NPSR1: variants seen among roughly 807,000 people sequenced by gnomAD.
NPSR1 encodes the protein neuropeptide S receptor.
NPSR1 carries 48 observed loss-of-function variants against 46.9 expected under a neutral mutation model. The observed-to-expected ratio is 1.02, with a 90% CI of 0.81 to 1.30. The LOEUF is 1.30. Ranked by LOEUF, NPSR1 falls within the 50% of genes most tolerant of loss-of-function variation. The pLI is 0.00. For synonymous variants in NPSR1, 176 were observed against 168.1 expected (o/e 1.05, Z -0.36); for missense variants, 450 against 449.5 (o/e 1.00, Z -0.01).
intron 4 of NPSR1, among the ~76,000 whole-genome samples, chr7:34,815,480 C>G (rs1404459223): frequency 1.3e-5 from 2 of 152,104 alleles, no homozygotes; most frequent in Non-Finnish European, 2.9e-5. Flanking sequence ...CGAACAGAAC[C>G]AAGTTGGAAC....
At chr7:34,792,668 TATATATG>T (rs1562733114) in intron 3 of NPSR1, among the ~76,000 whole-genome samples, 11 of 119,904 alleles carry the variant, frequency 9.2e-5, no homozygotes, top group African/African-American at 3.4e-4. Context: ...TATATATTTA[TATATATG>T]TATATATATA....
chr7:34,839,404 G>C (rs1322604881), intron 6 of NPSR1, among the ~76,000 whole-genome samples: 1 of 152,200 alleles, frequency 6.6e-6, no homozygotes, highest in Non-Finnish European at 1.5e-5. Flanking sequence ...GAACAAGGTA[G>C]AGAAAGTTCG....
At chr7:34,859,139 A>T (rs1458037319) in intron 8 of NPSR1, among the ~76,000 whole-genome samples, 1 of 151,664 alleles carries the variant, frequency 6.6e-6, no homozygotes, top group Non-Finnish European at 1.5e-5. Flanking sequence ...CAGCTGAAAG[A>T]TCCTTCTCTG....
chr7:34,867,973 G>A lies in NPSR1; in HGVS notation c.1026-10103G>A, dbSNP rs981235609. On this transcript the variant is annotated intron_variant, in intron 8 of 8. Transcript: ENST00000359791. The stretch of plus-strand genomic sequence containing the variant: ...TTTAAAATTTATAACATGGAAAGCT[G>A]TACTATATTGAAGTATCTGAGTCTC... 2.6e-5 allele frequency among the ~76,000 whole-genome samples: 4 copies of A among 151,828 alleles called. 1 individual carries two copies. Among genetic ancestry groups the A allele is most frequent in the African/African-American group, 9.7e-5 (4 of 41,106 alleles).
chr7:34,702,782 A>C (rs1477238923), intron 2 of NPSR1, among the ~76,000 whole-genome samples: 1 of 152,226 alleles, frequency 6.6e-6, no homozygotes, highest in Non-Finnish European at 1.5e-5. Context: ...AAAAGTTTAT[A>C]GAAGTGGACT....
chr7:34,691,729 A>G (rs1793272327), intron 2 of NPSR1, among the ~76,000 whole-genome samples: 1 of 152,100 alleles, frequency 6.6e-6, no homozygotes, highest in South Asian at 2.1e-4. Context: ...ACGACTACAT[A>G]TAAGAACAAA....
intron 3 of NPSR1, among the ~76,000 whole-genome samples, chr7:34,801,964 A>G (rs1788438866): frequency 6.7e-6 from 1 of 149,884 alleles, no homozygotes. Context: ...ACCCATTCAC[A>G]ATTGCTTCAA....
intron 2 of NPSR1, among the ~76,000 whole-genome samples, chr7:34,723,819 C>G (rs1354127555): frequency 1.3e-5 from 2 of 152,040 alleles, no homozygotes; most frequent in African/African-American, 4.8e-5. Flanking sequence ...CACTTTTTAT[C>G]AGCTATAATT....
At chr7:34,867,184 A>C (rs905859407) in intron 8 of NPSR1, among the ~76,000 whole-genome samples, 2 of 151,832 alleles carry the variant, frequency 1.3e-5, no homozygotes, top group African/African-American at 4.9e-5. Flanking sequence ...GATTGTCCTG[A>C]CAGAGTTTAA....
At chr7:34,688,784 C>T (rs1363854420) in intron 2 of NPSR1, among the ~76,000 whole-genome samples, 1 of 152,190 alleles carries the variant, frequency 6.6e-6, no homozygotes, top group Non-Finnish European at 1.5e-5. Flanking sequence ...CTCTCTCCAC[C>T]TTGCTGGGGC....
intron 2 of NPSR1, among the ~76,000 whole-genome samples, chr7:34,748,676 G>A (rs2128722626): frequency 6.6e-6 from 1 of 152,272 alleles, no homozygotes; most frequent in South Asian, 2.1e-4. Flanking sequence ...GAGTTCACCA[G>A]TTTGATTTGT....
At chr7:34,827,819 A>G (rs1389605852) in intron 5 of NPSR1, among the ~76,000 whole-genome samples, 5 of 152,234 alleles carry the variant, frequency 3.3e-5, no homozygotes, top group African/African-American at 4.8e-5. Context: ...CTGGGTATAT[A>G]GGGCAGGCAT....
At chr7:34,659,979 T>A (rs1291301741) in intron 1 of NPSR1, 1 of 406,736 alleles carries the variant, frequency 2.5e-6, no homozygotes, top group Non-Finnish European at 4.9e-6. Context: ...AATAAGGTGG[T>A]TATTCTGAGA....
chr7:34,694,343 C>T (rs552400375), intron 2 of NPSR1, among the ~76,000 whole-genome samples: 1 of 152,230 alleles, frequency 6.6e-6, no homozygotes, highest in East Asian at 1.9e-4. Flanking sequence ...AAATCAGTAG[C>T]ATGTCTATAC....
chr7:34,696,504 G>T (rs775175630), intron 2 of NPSR1, among the ~76,000 whole-genome samples: 4 of 151,848 alleles, frequency 2.6e-5, no homozygotes, highest in Non-Finnish European at 5.9e-5. Flanking sequence ...AAATAATGAA[G>T]ATTGAATGTC....
At chr7:34,756,225 A>G (rs1254537672) in intron 2 of NPSR1, among the ~76,000 whole-genome samples, 1 of 152,196 alleles carries the variant, frequency 6.6e-6, no homozygotes, top group Non-Finnish European at 1.5e-5. Context: ...GCTCTTGAAC[A>G]TGAAAGAGAG....
intron 2 of NPSR1, among the ~76,000 whole-genome samples, chr7:34,709,469 A>G (rs1783160812): frequency 6.6e-6 from 1 of 152,064 alleles, no homozygotes; most frequent in Non-Finnish European, 1.5e-5. Context: ...CATAGTCTGT[A>G]TAGCTAACTC....
At chr7:34,713,432 A>G (rs1783402732) in intron 2 of NPSR1, among the ~76,000 whole-genome samples, 2 of 152,148 alleles carry the variant, frequency 1.3e-5, no homozygotes, top group South Asian at 4.1e-4. Flanking sequence ...GTAGGCCATC[A>G]GTAATCTCAC....
chr7:34,753,837 A>G (rs1445122088), intron 2 of NPSR1: 1 of 152,192 alleles, frequency 6.6e-6, no homozygotes, highest in African/African-American at 2.4e-5. Context: ...CCCTGTCTCT[A>G]CAAAAATAAA....
Sources: gnomAD v4.1 joint callset for allele counts (sites outside exome capture counted in the v4.1 genomes callset) on GRCh38, gnomAD v4.1.1 for gene constraint, MANE v1.5 for transcripts, NCBI Gene and HGNC (gene_info 2026-07-23, HGNC 2026-07-21) for gene names.